The following CCNK variants were observed in gnomAD, a reference collection of about 807,000 sequenced individuals.
CCNK encodes cyclin-K.
CCNK carries 9 observed loss-of-function variants against 65.0 expected under a neutral mutation model. That is an observed-to-expected ratio of 0.14 (90% CI 0.08 to 0.24). The LOEUF (loss-of-function observed/expected upper bound fraction) is 0.24, where lower values mean the gene tolerates loss of function less well. Among genes scored for constraint, CCNK ranks in the 10% least tolerant of loss-of-function variants. The pLI, the probability that CCNK is intolerant of heterozygous loss-of-function variation, is 1.00. For missense variants in CCNK, 474 were observed against 720.0 expected (o/e 0.66, Z 3.91); for synonymous variants, 279 against 270.8 (o/e 1.03, Z -0.30).
chr14:99,510,410 C>T lies in CCNK; in HGVS notation c.1371C>T (p.Ser457=). 6.4e-7 allele frequency: 1 copy of T among 1,554,092 alleles called. No individual in the cohort carries two copies. The highest frequency in any genetic ancestry group is 8.7e-7 in the Non-Finnish European group (1 of 1,149,832). The change falls in exon 11 of 11, where the codon TCC becomes TCT. Residue 457 remains serine, a synonymous_variant. Transcript: ENST00000389879. The stretch of plus-strand genomic sequence containing the variant: ...CCATGATGAAGACCGAGGGACCCTC[C>T]TACGGTGCCCTGCCCCCCGCCTACG... The part of the protein sequence containing the change: ...LQSMMKTEGP[S]YGALPPAYGP...
At position 99,481,438 on chromosome 14, in the gene CCNK, G is replaced by T; in HGVS notation, c.-94G>T. On this transcript the variant is annotated 5_prime_UTR_variant, in exon 1 of 11. Transcript: ENST00000389879. ...TTCCATATACAAGATGGCCGCAGTC[G>T]GCAAGGAGAGACGTCGCTGAGGGGC... 1 of 398,712 alleles carries T rather than the reference G, an allele frequency of 2.5e-6. No homozygotes were observed. Among genetic ancestry groups the T allele is most frequent in the East Asian group, 3.6e-5 (1 of 28,074 alleles). The allele number at this position is 398,712 out of a possible 1,614,324, so 24.7% of individuals were successfully genotyped here.
At chr14:99,489,257 G>A (rs8019835) in intron 1 of CCNK, among the ~76,000 whole-genome samples, 3 of 151,870 alleles carry the variant, frequency 2.0e-5, no homozygotes, top group Non-Finnish European at 2.9e-5. Flanking sequence ...GAAAATCTTG[G>A]TTCCTAACAA....
At chr14:99,504,439 C>G (rs1205380426) in intron 9 of CCNK, 2 of 143,808 alleles carry the variant, frequency 1.4e-5, no homozygotes, top group African/African-American at 5.1e-5. Flanking sequence ...ATGATGAGTT[C>G]AGTACAGGTG....
In CCNK at chr14:99,502,927, A is replaced by T. The variant is rs749107194; in HGVS notation, c.954A>T (p.Gln318His). The change falls in exon 8 of 11, where the codon CAA (glutamine) becomes CAT (histidine). Residue 318 changes from glutamine to histidine, a missense_variant. This residue lies in a region of CCNK where 229 missense variants were observed against 275.5 expected (regional missense o/e 0.83). Transcript: ENST00000389879. ...CAGCCCAGCAGCAGCAGCCAGCCCA[A>T]CAGCCCAAGAAACCCTCTCCGCAGC... Reference protein sequence around the residue: ...QQPAQQQQPAQQPKKPSPQPS... With the variant: ...QQPAQQQQPAHQPKKPSPQPS... 9 of 1,613,860 alleles carry T rather than the reference A, an allele frequency of 5.6e-6. 1 individual carries two copies. The South Asian group carries it at 9.9e-5, about 18-fold the overall frequency.
In CCNK at chr14:99,502,894, C is replaced by T; in HGVS notation, c.921C>T (p.Pro307=). 1.2e-6 allele frequency: 2 copies of T among 1,613,594 alleles called. No homozygotes were observed. Among genetic ancestry groups the T allele is most frequent in the Non-Finnish European group, 1.7e-6 (2 of 1,179,684 alleles). The change falls in exon 8 of 11, where the codon CCC becomes CCT. Residue 307 remains proline (P), a synonymous_variant. Transcript: ENST00000389879. The stretch of plus-strand genomic sequence containing the variant: ...CATCCCAGCCCCAGCAGAAGGACCC[C>T]CAGCAACCAGCCCAGCAGCAGCAGC... ...SEPSQPQQKD[P]QQPAQQQQPA...
intron 10 of CCNK, 192 bp from the exon 11 acceptor site, chr14:99,509,965 G>T: frequency 1.6e-6 from 1 of 620,006 alleles, no homozygotes; most frequent in Non-Finnish European, 2.8e-6. Flanking sequence ...AGGGTGGAGG[G>T]CCTTCTTGAC....
chr14:99,481,509 C>T, intron 1 of CCNK, 30 bp downstream of exon 1: 1 of 398,652 alleles, frequency 2.5e-6, no homozygotes, highest in Non-Finnish European at 4.4e-6. Flanking sequence ...AGGGCAGCGC[C>T]GCCCACCTCC....
chr14:99,493,052 G>A, intron 2 of CCNK, 178 bp downstream of exon 2: 2 of 643,632 alleles, frequency 3.1e-6, no homozygotes, highest in South Asian at 2.5e-5. Flanking sequence ...CATTTTAAAG[G>A]TGTAGACTTA....
At chr14:99,503,099 G>A (rs764298586) in intron 8 of CCNK, 115 bp downstream of exon 8, 19 of 1,170,400 alleles carry the variant, frequency 1.6e-5, no homozygotes, top group East Asian at 4.7e-5. Context: ...GGGGGTGTTC[G>A]CCGAAACTCG....
chr14:99,494,614 T>C (rs1347352912), intron 3 of CCNK: 1 of 152,008 alleles, frequency 6.6e-6, no homozygotes, highest in Non-Finnish European at 1.5e-5. Flanking sequence ...GTAGGAAGGA[T>C]TGGAGTGGGC....
chr14:99,502,894 C>G lies in CCNK; in HGVS notation c.921C>G (p.Pro307=), dbSNP rs777791031. Residue 307 remains proline (P), a synonymous_variant, in exon 8 of 11, where the codon CCC becomes CCG. Coordinates refer to ENST00000389879, the MANE Select transcript of CCNK (RefSeq NM_001099402.2). The part of the protein sequence containing the change: ...SEPSQPQQKD[P]QQPAQQQQPA... The stretch of plus-strand genomic sequence containing the variant: ...CATCCCAGCCCCAGCAGAAGGACCC[C>G]CAGCAACCAGCCCAGCAGCAGCAGC... The G allele has an allele frequency of 6.2e-7, 1 of 1,613,594 alleles. No homozygotes were observed.
intron 1 of CCNK, among the ~76,000 whole-genome samples, chr14:99,489,317 T>C (rs901138793): frequency 6.6e-6 from 1 of 152,174 alleles, no homozygotes; most frequent in Non-Finnish European, 1.5e-5. Flanking sequence ...AAAAAAAATG[T>C]GTTTGAAAAT....
intron 4 of CCNK, among the ~76,000 whole-genome samples, chr14:99,497,144 A>G (rs901318391): frequency 2.0e-5 from 3 of 151,964 alleles, no homozygotes; most frequent in Non-Finnish European, 4.4e-5. Flanking sequence ...AGTGTTGTAC[A>G]TTCTGTGGGT....
chr14:99,503,075 G>A (rs576158425), intron 8 of CCNK, 91 bp downstream of exon 8: 14 of 1,411,912 alleles, frequency 9.9e-6, no homozygotes, highest in Non-Finnish European at 1.4e-5. Context: ...CGAGCACAGG[G>A]AACACCGGAA....
chr14:99,488,252 C>A (rs1355501373), intron 1 of CCNK, among the ~76,000 whole-genome samples: 2 of 150,658 alleles, frequency 1.3e-5, no homozygotes, highest in African/African-American at 2.4e-5. Flanking sequence ...TAAATTTTTC[C>A]AAATTGTTTG....
chr14:99,491,207 T>C (rs1212838050), intron 1 of CCNK, among the ~76,000 whole-genome samples: 1 of 152,206 alleles, frequency 6.6e-6, no homozygotes, highest in Non-Finnish European at 1.5e-5. Flanking sequence ...TGTTGTTTCA[T>C]AGTTGTGACA....
chr14:99,492,578 T>G, intron 1 of CCNK, 48 bp from the exon 2 acceptor site: 1 of 946,932 alleles, frequency 1.1e-6, no homozygotes, highest in Non-Finnish European at 1.6e-6. Context: ...CTAGATTGCT[T>G]ATAGTATGGA....
rs1381748835 is a variant in CCNK, at chr14:99,503,654, TGTTCTGATGTTTTTTTA to T, written c.1045+14_1045+30del. On this transcript the variant is annotated intron_variant, in intron 9 of 10. Coordinates refer to ENST00000389879, the MANE Select transcript of CCNK (RefSeq NM_001099402.2). The stretch of plus-strand genomic sequence containing the variant: ...GAGAACAAAGCAGCAGGTAATTTCC[TGTTCTGATGTTTTTTTA>T]GTTTTATGTGTTTATATGCAAAACT... 6.4e-6 allele frequency: 10 copies of T among 1,553,942 alleles called. No individual in the cohort carries two copies. Among genetic ancestry groups the T allele is most frequent in the Non-Finnish European group, 8.7e-6 (10 of 1,147,382 alleles).
Position 99,492,720 on chromosome 14 carries a change from G to A in CCNK, c.43G>A (p.Ala15Thr). 6.2e-7 allele frequency: 1 copy of A among 1,611,272 alleles called. No individual in the cohort carries two copies. Among genetic ancestry groups the A allele is most frequent in the Non-Finnish European group, 8.5e-7 (1 of 1,179,176 alleles). Residue 15 changes from alanine to threonine, a missense_variant, in exon 2 of 11, where the codon GCA (alanine) becomes ACA (threonine). Transcript: ENST00000389879. ...AAATTCAAGCCCTTCAGTAACTTCA[G>A]CAAACCTGGACCACACAAAGCCATG... is the stretch of plus-strand genomic sequence containing the variant. ...KENSSPSVTSANLDHTKPCWY... is the reference protein window; with the variant it reads ...KENSSPSVTSTNLDHTKPCWY...
Sources: allele counts gnomAD v4.1 joint callset (sites outside exome capture counted in the v4.1 genomes callset), GRCh38; gene constraint gnomAD v4.1.1; regional missense constraint gnomAD v4.1.1; transcripts MANE v1.5; gene names NCBI Gene and HGNC (gene_info 2026-07-23, HGNC 2026-07-21).